The following PCDHGA8 variants were observed in gnomAD, a reference collection of about 807,000 sequenced individuals.
The protein encoded by PCDHGA8 is protocadherin gamma subfamily A, 8, also known as protocadherin gamma-A8.
A neutral mutation model predicts 59.2 loss-of-function variants in PCDHGA8; 45 were observed. That is an observed-to-expected ratio of 0.76 (90% CI 0.60 to 0.98). The LOEUF (loss-of-function observed/expected upper bound fraction) is 0.98. Among genes scored for constraint, PCDHGA8 ranks in the 50% least tolerant of loss-of-function variants. The pLI is 0.00. For missense variants in PCDHGA8, 1,257 were observed against 1,196.2 expected (o/e 1.05, Z -0.75); for synonymous variants, 531 against 519.0 (o/e 1.02, Z -0.32).
chr5:141,395,013 G>A lies in PCDHGA8; in HGVS notation c.2200G>A (p.Gly734Ser). The A allele has an allele frequency of 1.2e-6, 2 of 1,614,064 alleles. No homozygotes were observed. The highest frequency in any genetic ancestry group is 1.1e-5 in the South Asian group (1 of 91,086). Residue 734 changes from glycine (G) to serine (S), a missense_variant, in exon 1 of 4, where the codon GGC (glycine) becomes AGC (serine). Coordinates refer to ENST00000398604, the MANE Select transcript of PCDHGA8 (RefSeq NM_032088.2). ...LLQDSGGRLVGVPASHFVGVE... is the reference protein window; with the variant it reads ...LLQDSGGRLVSVPASHFVGVE... ...CCAGGATTCCGGTGGCAGATTGGTA[G>A]GCGTGCCTGCCTCACATTTTGTGGG...
In PCDHGA8 at chr5:141,477,787, C is replaced by A; in HGVS notation, c.2425-17020C>A. The stretch of plus-strand genomic sequence containing the variant: ...CCAACATCAGCGTGAACATATTTGT[C>A]ACTGATCGCAATGACAATGCCCCCC... On this transcript the variant is annotated intron_variant, in intron 1 of 3. Transcript: ENST00000398604. The surrounding 1 kb of genome is among the most constrained non-coding windows in gnomAD (Gnocchi z 4.9). The A allele has an allele frequency of 6.2e-7, 1 of 1,614,092 alleles. No homozygotes were observed. The highest frequency in any genetic ancestry group is 8.5e-7 in the Non-Finnish European group (1 of 1,180,034).
At chr5:141,425,159 G>T (rs557552439) in intron 1 of PCDHGA8, among the ~76,000 whole-genome samples, 1 of 152,244 alleles carries the variant, frequency 6.6e-6, no homozygotes, top group Non-Finnish European at 1.5e-5. Context: ...AGCATCTAGG[G>T]ATAGGATTTA....
chr5:141,431,995 G>A lies in PCDHGA8; in HGVS notation c.2424+36758G>A. 6.2e-7 allele frequency: 1 copy of A among 1,614,048 alleles called. No individual in the cohort carries two copies. Among genetic ancestry groups the A allele is most frequent in the East Asian group, 2.2e-5 (1 of 44,898 alleles). The stretch of plus-strand genomic sequence containing the variant: ...TAGTCACAGACATAGTCTTGGATAG[G>A]GAACAGGTTCCTAGCTACAACATCA... On this transcript the variant is annotated intron_variant, in intron 1 of 3. Coordinates refer to ENST00000398604, the MANE Select transcript of PCDHGA8 (RefSeq NM_032088.2). This position sits in a 1 kb window ranked among gnomAD's most constrained non-coding sequence, Gnocchi z 4.8.
chr5:141,503,401 C>A (rs987421198), intron 2 of PCDHGA8, among the ~76,000 whole-genome samples: 15 of 151,848 alleles, frequency 9.9e-5, no homozygotes, highest in Non-Finnish European at 1.9e-4. Context: ...TCGAAACCAA[C>A]CTGGCCAATA....
intron 1 of PCDHGA8, chr5:141,398,884 G>C: frequency 6.2e-7 from 1 of 1,613,952 alleles, no homozygotes; most frequent in Non-Finnish European, 8.5e-7. Flanking sequence ...CAGCCTTCGG[G>C]AAAACGTGCC....
intron 1 of PCDHGA8, among the ~76,000 whole-genome samples, chr5:141,492,080 G>A (rs576661909): frequency 6.6e-6 from 1 of 152,352 alleles, no homozygotes; most frequent in African/African-American, 2.4e-5. Context: ...GCCGGCTCCG[G>A]CACGCTTCGC....
In PCDHGA8 at chr5:141,394,251, G is replaced by A. The variant is rs1380359596; in HGVS notation, c.1438G>A (p.Asp480Asn). The change falls in exon 1 of 4, where the codon GAC becomes AAC. Residue 480 changes from aspartate to asparagine, a missense_variant. Transcript: ENST00000398604. ...CTTTTCCTTGACTGCACACGACCCCGACAGCCAGGAGAATGCCCAGGTCAC... is the reference window on the plus strand; with the variant it reads ...CTTTTCCTTGACTGCACACGACCCCAACAGCCAGGAGAATGCCCAGGTCAC... ...SIFSLTAHDP[D>N]SQENAQVTYS... 6.2e-7 allele frequency: 1 copy of A among 1,613,744 alleles called. No individual in the cohort carries two copies. The highest frequency in any genetic ancestry group is 8.5e-7 in the Non-Finnish European group (1 of 1,179,874).
intron 1 of PCDHGA8, among the ~76,000 whole-genome samples, chr5:141,459,095 G>A (rs61275874): frequency 0.28 from 42,440 of 152,066 alleles, 6,652 homozygotes; most frequent in African/African-American, 0.43. Context: ...ATTATACAGT[G>A]CAATGCATTT....
intron 1 of PCDHGA8, chr5:141,478,782 T>C: frequency 6.7e-7 from 1 of 1,485,212 alleles, no homozygotes. Context: ...GTGGACCTAA[T>C]TCACATCCTC....
In PCDHGA8 at chr5:141,477,794, C is replaced by A. The variant is rs148942362; in HGVS notation, c.2425-17013C>A. On this transcript the variant is annotated intron_variant, in intron 1 of 3. Coordinates refer to ENST00000398604, the MANE Select transcript of PCDHGA8 (RefSeq NM_032088.2). This position sits in a 1 kb window ranked among gnomAD's most constrained non-coding sequence, Gnocchi z 4.9. ...CAGCGTGAACATATTTGTCACTGAT[C>A]GCAATGACAATGCCCCCCAGGTCCT... The A allele has an allele frequency of 5.6e-6, 9 of 1,614,086 alleles. No individual in the cohort carries two copies. Among genetic ancestry groups the A allele is most frequent in the Non-Finnish European group, 7.6e-6 (9 of 1,180,030 alleles).
At chr5:141,481,070 A>G (rs2099531062) in intron 1 of PCDHGA8, among the ~76,000 whole-genome samples, 1 of 152,144 alleles carries the variant, frequency 6.6e-6, no homozygotes, top group South Asian at 2.1e-4. Context: ...AAACAAAAAG[A>G]AAGAAAGAAA....
At chr5:141,419,210 GTTT>G in intron 1 of PCDHGA8, 1 of 1,613,926 alleles carries the variant, frequency 6.2e-7, no homozygotes, top group East Asian at 2.2e-5. Flanking sequence ...CAACGCGCCG[GTTT>G]TCGGACAGTC....
chr5:141,472,980 C>CAAAAAAAAAAAAAAAAGAAAAAAAAA (rs2099308501), intron 1 of PCDHGA8, among the ~76,000 whole-genome samples: 1 of 86,106 alleles, frequency 1.2e-5, no homozygotes, highest in Non-Finnish European at 2.5e-5. Context: ...GAGTGAAACT[C>CAAAAAAAAAAAAAAAAGAAAAAAAAA]AAAAAAAAAA....
intron 1 of PCDHGA8, chr5:141,421,732 C>T: frequency 6.2e-7 from 1 of 1,613,934 alleles, no homozygotes; most frequent in Non-Finnish European, 8.5e-7. Flanking sequence ...GAACTCCCTC[C>T]AGAGCTACCA....
chr5:141,427,658 C>A, intron 1 of PCDHGA8: 2 of 738,894 alleles, frequency 2.7e-6, no homozygotes, highest in Non-Finnish European at 4.8e-6. Context: ...ACGTGGTCCA[C>A]GTGGCCGAAA....
intron 2 of PCDHGA8, among the ~76,000 whole-genome samples, chr5:141,497,264 A>G (rs2154592078): frequency 6.6e-6 from 1 of 152,258 alleles, no homozygotes; most frequent in East Asian, 1.9e-4. Flanking sequence ...GAGAAGTTCT[A>G]GGCCATTTAT....
Position 141,419,293 on chromosome 5 carries a change from C to A in PCDHGA8, c.2424+24056C>A, listed in dbSNP as rs748856660. 1.5e-5 allele frequency: 25 copies of A among 1,614,026 alleles called. No individual in the cohort carries two copies. The African/African-American group carries it at 3.2e-4, about 21-fold the overall frequency. Reference sequence around the variant, plus strand: ...CCATAGCGCAAGTCAGTGCCTCTGACCCAGACTTCGGGCTCAACGGCCGTG... The same window carrying A: ...CCATAGCGCAAGTCAGTGCCTCTGAACCAGACTTCGGGCTCAACGGCCGTG... On this transcript the variant is annotated intron_variant, in intron 1 of 3. Transcript: ENST00000398604.
chr5:141,470,707 TA>T (rs1207543665), intron 1 of PCDHGA8, among the ~76,000 whole-genome samples: 1 of 152,164 alleles, frequency 6.6e-6, no homozygotes, highest in African/African-American at 2.4e-5. Flanking sequence ...ATTTTTATTT[TA>T]TTTTTTTGAG....
At chr5:141,419,290 T>C (rs1160812369) in intron 1 of PCDHGA8, 1 of 1,613,914 alleles carries the variant, frequency 6.2e-7, no homozygotes, top group African/African-American at 1.3e-5. Context: ...TCAGTGCCTC[T>C]GACCCAGACT....
Sources: allele counts gnomAD v4.1 joint callset (sites outside exome capture counted in the v4.1 genomes callset), GRCh38; gene constraint gnomAD v4.1.1; non-coding constraint Gnocchi (gnomAD v3.1); transcripts MANE v1.5; gene names NCBI Gene and HGNC (gene_info 2026-07-23, HGNC 2026-07-21).